CNTN5: variants seen among roughly 807,000 people sequenced by gnomAD.
The protein encoded by CNTN5 is contactin-5.
In CNTN5, 77 loss-of-function variants were observed where a neutral mutation model predicts 129.1. The observed-to-expected ratio is 0.60, with a 90% CI of 0.50 to 0.72. The LOEUF is 0.72. Among genes scored for constraint, CNTN5 ranks in the 30% least tolerant of loss-of-function variants. The pLI is 0.00. For missense variants in CNTN5, 1,478 were observed against 1,328.8 expected, an observed-to-expected ratio of 1.11 and a Z score of -1.75; for synonymous variants, 509 against 465.6, an observed-to-expected ratio of 1.09 and a Z score of -1.20.
intron 1 of CNTN5, among the ~76,000 whole-genome samples, chr11:99,114,732 G>T (rs374232443): frequency 1.3e-5 from 2 of 152,016 alleles, no homozygotes; most frequent in Non-Finnish European, 2.9e-5. Context: ...TTTGTTCCTC[G>T]TAAACATTCA....
At chr11:99,542,081 T>A (rs1247489127) in intron 2 of CNTN5, among the ~76,000 whole-genome samples, 3 of 152,138 alleles carry the variant, frequency 2.0e-5, no homozygotes, top group Non-Finnish European at 4.4e-5. Flanking sequence ...TACGTATTTA[T>A]GGGATATAAT....
At chr11:100,056,481 T>C (rs1356373321) in intron 9 of CNTN5, among the ~76,000 whole-genome samples, 1 of 151,074 alleles carries the variant, frequency 6.6e-6, no homozygotes, top group Non-Finnish European at 1.5e-5. Flanking sequence ...GTGAGGTTAA[T>C]GGAGTGTTTC....
intron 6 of CNTN5, among the ~76,000 whole-genome samples, chr11:99,902,619 C>T (rs1420235935): frequency 6.6e-6 from 1 of 152,210 alleles, no homozygotes; most frequent in South Asian, 2.1e-4. Flanking sequence ...GTACATTGGG[C>T]TGATGCTTCA....
At chr11:99,206,043 G>T (rs1473476137) in intron 1 of CNTN5, among the ~76,000 whole-genome samples, 1 of 152,034 alleles carries the variant, frequency 6.6e-6, no homozygotes, top group East Asian at 1.9e-4. Flanking sequence ...CCTCTGTGAG[G>T]TCTCAAAACT....
chr11:99,858,136 T>A (rs1163436020), intron 6 of CNTN5, among the ~76,000 whole-genome samples: 2 of 152,134 alleles, frequency 1.3e-5, no homozygotes, highest in Non-Finnish European at 2.9e-5. Flanking sequence ...ATGTCACGCC[T>A]CTTAATAGGT....
At chr11:99,336,049 CTT>C (rs1212539229) in intron 2 of CNTN5, among the ~76,000 whole-genome samples, 4 of 151,036 alleles carry the variant, frequency 2.6e-5, no homozygotes, top group Non-Finnish European at 5.9e-5. Flanking sequence ...AAAAAAAAAA[CTT>C]TTTGTTTTTA....
rs181282104 is a variant in CNTN5, at chr11:99,276,799, A to G, written c.-209-48547A>G. ...ATATTATTTAAGGGCTACTATTTCT[A>G]TCAAGTTTTATGTCATAATTTAGTC... On this transcript the variant is annotated intron_variant, in intron 1 of 24. Coordinates refer to ENST00000524871, the MANE Select transcript of CNTN5 (RefSeq NM_014361.4). 4.4e-4 allele frequency among the ~76,000 whole-genome samples: 66 copies of G among 151,656 alleles called. No homozygotes were observed. The East Asian group carries it at 0.012, about 28-fold the overall frequency.
chr11:99,194,216 A>G (rs998495665), intron 1 of CNTN5, among the ~76,000 whole-genome samples: 1 of 152,138 alleles, frequency 6.6e-6, no homozygotes, highest in African/African-American at 2.4e-5. Flanking sequence ...AAATTAGGAA[A>G]CAAGAACAAT....
intron 6 of CNTN5, among the ~76,000 whole-genome samples, chr11:99,864,113 T>C (rs1428185748): frequency 6.6e-6 from 1 of 152,186 alleles, no homozygotes; most frequent in Non-Finnish European, 1.5e-5. Flanking sequence ...TGTTAATGCA[T>C]GATATATAAT....
intron 3 of CNTN5, among the ~76,000 whole-genome samples, chr11:99,774,835 A>G (rs1332209993): frequency 6.6e-6 from 1 of 152,034 alleles, no homozygotes; most frequent in African/African-American, 2.4e-5. Context: ...GTTCTTTTCT[A>G]CTACATTAAA....
chr11:99,630,891 T>A (rs1179411628), intron 3 of CNTN5, among the ~76,000 whole-genome samples: 1 of 152,200 alleles, frequency 6.6e-6, no homozygotes, highest in Non-Finnish European at 1.5e-5. Flanking sequence ...TTCCTGTTCA[T>A]GCACATTGAA....
In CNTN5 at chr11:100,341,078, CT is replaced by C; in HGVS notation, c.2918-10del. On this transcript the variant is annotated splice_polypyrimidine_tract_variant and intron_variant, in intron 22 of 24. Coordinates refer to ENST00000524871, the MANE Select transcript of CNTN5 (RefSeq NM_014361.4). ...AAGAATCCTTGTCAGTTCACTTTCA[CT>C]TTTTATTTTGCAGCTCCTAGTCAAG... 1.3e-6 allele frequency: 2 copies of C among 1,558,840 alleles called. No individual in the cohort carries two copies. Among genetic ancestry groups the C allele is most frequent in the Non-Finnish European group, 1.8e-6 (2 of 1,130,726 alleles).
chr11:99,229,541 A>C (rs117726418), intron 1 of CNTN5, among the ~76,000 whole-genome samples: 16 of 143,646 alleles, frequency 1.1e-4, no homozygotes, highest in South Asian at 2.2e-4. Flanking sequence ...AAAAAAAAAA[A>C]AGGACACAGC....
intron 9 of CNTN5, among the ~76,000 whole-genome samples, chr11:100,014,237 G>C (rs1940692124): frequency 6.6e-6 from 1 of 152,024 alleles, no homozygotes; most frequent in Non-Finnish European, 1.5e-5. Flanking sequence ...TACCACATTT[G>C]ATGCAGCCCT....
At chr11:100,092,151 G>T (rs1429387598) in intron 13 of CNTN5, among the ~76,000 whole-genome samples, 3 of 152,104 alleles carry the variant, frequency 2.0e-5, no homozygotes, top group Non-Finnish European at 2.9e-5. Context: ...CAGAAGTAGG[G>T]TCAGTTCCCT....
intron 3 of CNTN5, among the ~76,000 whole-genome samples, chr11:99,756,013 C>T (rs1944393460): frequency 6.6e-6 from 1 of 151,992 alleles, no homozygotes; most frequent in African/African-American, 2.4e-5. Flanking sequence ...TTACTATATC[C>T]TTGCATACAT....
In CNTN5 at chr11:99,058,851, G is replaced by A. The variant is rs556274310; in HGVS notation, c.-210+37581G>A. Among the ~76,000 whole-genome samples the A allele has an allele frequency of 5.3e-5, 8 of 151,782 alleles. No individual in the cohort carries two copies. In the South Asian group the frequency reaches 1.7e-3, roughly 31 times the overall value. ...AAGATAATGAGTTCAAGACTCTGTAGACAGCACTAAATGATGAGGATTGAA... is the reference window on the plus strand; with the variant it reads ...AAGATAATGAGTTCAAGACTCTGTAAACAGCACTAAATGATGAGGATTGAA... On this transcript the variant is annotated intron_variant, in intron 1 of 24. Coordinates refer to ENST00000524871, the MANE Select transcript of CNTN5 (RefSeq NM_014361.4).
At chr11:99,235,127 A>G (rs544696820) in intron 1 of CNTN5, among the ~76,000 whole-genome samples, 1 of 152,068 alleles carries the variant, frequency 6.6e-6, no homozygotes, top group Non-Finnish European at 1.5e-5. Flanking sequence ...AGACATTAAC[A>G]TTCACCTTTG....
In CNTN5 at chr11:99,774,741, G is replaced by A. The variant is rs151046734; in HGVS notation, c.56-44803G>A. On this transcript the variant is annotated intron_variant, in intron 3 of 24. Coordinates refer to ENST00000524871, the MANE Select transcript of CNTN5 (RefSeq NM_014361.4). ...TGTTTTGAAACAGCTTCTTCTCTTA[G>A]AATGTATGAATGAGCAATGTTTCAG... 9.7e-4 allele frequency among the ~76,000 whole-genome samples: 147 copies of A among 152,026 alleles called. 1 individual carries two copies. Among genetic ancestry groups the A allele is most frequent in the Admixed American group, 8.5e-3 (130 of 15,224 alleles).
Sources: allele counts gnomAD v4.1 joint callset (sites outside exome capture counted in the v4.1 genomes callset), GRCh38; gene constraint gnomAD v4.1.1; transcripts MANE v1.5; gene names NCBI Gene and HGNC (gene_info 2026-07-23, HGNC 2026-07-21).